Variants in HIVEP3 observed in about 807,000 individuals in gnomAD.
HIVEP3 encodes the protein transcription factor HIVEP3.
In HIVEP3, 49 loss-of-function variants were observed where a neutral mutation model predicts 152.8. The ratio of observed to expected loss-of-function variants is 0.32; its 90% confidence interval spans 0.26 to 0.41. HIVEP3 has a LOEUF of 0.41. HIVEP3 is among the 10% of genes least tolerant of loss of function. The pLI is 1.00. For missense variants in HIVEP3, 2,790 were observed against 3,103.3 expected (o/e 0.90, Z 2.40); for synonymous variants, 1,269 against 1,289.0 (o/e 0.98, Z 0.33).
chr1:41,628,298 C>G (rs1186414940), intron 3 of HIVEP3, among the ~76,000 whole-genome samples: 1 of 152,196 alleles, frequency 6.6e-6, no homozygotes, highest in East Asian at 1.9e-4. Context: ...TCCCGTGGTG[C>G]TCCTCTGACT....
In HIVEP3 at chr1:41,508,454, C is replaced by T. The variant is rs1644406321; in HGVS notation, c.*1997G>A. Reference sequence around the variant, plus strand: ...TGCTTCTCTTGGGGAGGATGAGAGCCCTAGTCTCTGAGGGAAGCAGCCAGG... The same window carrying T: ...TGCTTCTCTTGGGGAGGATGAGAGCTCTAGTCTCTGAGGGAAGCAGCCAGG... On this transcript the variant is annotated 3_prime_UTR_variant, in exon 9 of 9. Transcript: ENST00000372583. The T allele has an allele frequency of 6.6e-6, 1 of 152,170 alleles. No homozygotes were observed. The highest frequency in any genetic ancestry group is 1.5e-5 in the Non-Finnish European group (1 of 68,042). The allele number at this position is 152,170 out of a possible 1,614,324, so 9.4% of individuals were successfully genotyped here. A position where few individuals can be genotyped will look rare whatever the true frequency, so the allele number is the denominator to read the frequency against.
intron 1 of HIVEP3, among the ~76,000 whole-genome samples, chr1:41,859,911 C>T (rs891012852): frequency 6.6e-6 from 1 of 152,174 alleles, no homozygotes; most frequent in East Asian, 1.9e-4. Flanking sequence ...AACTCCCTAC[C>T]GCTGGGAAGG....
chr1:41,761,306 G>A (rs376135695), intron 1 of HIVEP3, among the ~76,000 whole-genome samples: 5 of 152,170 alleles, frequency 3.3e-5, no homozygotes, highest in African/African-American at 1.2e-4. Context: ...GAGTGTGTGA[G>A]TGTATGGTTG....
intron 3 of HIVEP3, among the ~76,000 whole-genome samples, chr1:41,594,604 G>A (rs1418861475): frequency 1.3e-5 from 2 of 152,136 alleles, no homozygotes; most frequent in Non-Finnish European, 2.9e-5. Flanking sequence ...TATTTCATTT[G>A]GGAGACTATT....
chr1:41,580,994 C>A lies in HIVEP3; in HGVS notation c.3804G>T (p.Leu1268=). 1.9e-6 allele frequency: 3 copies of A among 1,572,842 alleles called. No homozygotes were observed. Among genetic ancestry groups the A allele is most frequent in the Non-Finnish European group, 1.7e-6 (2 of 1,158,128 alleles). The change falls in exon 4 of 9, where the codon CTG becomes CTT. Residue 1268 remains leucine (L), a synonymous_variant. Coordinates refer to ENST00000372583, the MANE Select transcript of HIVEP3 (RefSeq NM_024503.5). ...GGGAGAGGCCAGCACTTCCTGTTGC[C>A]AGTGGGGCCAGGCTGGTTTTGATCT... ...LPQIKTSLAP[L]ATGSAGLSPS... is the part of the protein sequence containing the mutation.
intron 1 of HIVEP3, chr1:41,848,534 T>C (rs1011781284): frequency 3.3e-5 from 5 of 151,946 alleles, no homozygotes; most frequent in African/African-American, 7.3e-5. Flanking sequence ...ATAAGGAGGA[T>C]GGAATCGGCA....
chr1:41,855,544 C>T (rs978644168), intron 1 of HIVEP3, among the ~76,000 whole-genome samples: 2 of 152,174 alleles, frequency 1.3e-5, no homozygotes, highest in Admixed American at 6.5e-5. Context: ...GGGTGAAGGA[C>T]ATGAACAGAC....
intron 1 of HIVEP3, among the ~76,000 whole-genome samples, chr1:42,002,026 C>A (rs1336152628): frequency 6.6e-6 from 1 of 152,160 alleles, no homozygotes; most frequent in East Asian, 1.9e-4. Context: ...TCCCCCTTTC[C>A]ACAAGCTTTT....
intron 5 of HIVEP3, among the ~76,000 whole-genome samples, chr1:41,527,025 AC>A (rs1181429876): frequency 1.0e-3 from 14 of 13,734 alleles, no homozygotes; most frequent in East Asian, 1.9e-3. Flanking sequence ...CCCCACACTC[AC>A]CCCCCACCCT....
chr1:41,638,235 A>G (rs879935189), intron 2 of HIVEP3, among the ~76,000 whole-genome samples: 6 of 143,638 alleles, frequency 4.2e-5, no homozygotes, highest in Non-Finnish European at 7.6e-5. Flanking sequence ...AAAGAGAGAG[A>G]CAGAGAAATA....
chr1:41,903,675 T>G (rs1027807284), intron 1 of HIVEP3, among the ~76,000 whole-genome samples: 6 of 152,072 alleles, frequency 3.9e-5, no homozygotes, highest in Non-Finnish European at 7.4e-5. Context: ...GAACCAAGAG[T>G]TGATGGGCAG....
chr1:41,556,966 C>G (rs1422124603), intron 5 of HIVEP3, among the ~76,000 whole-genome samples: 1 of 152,204 alleles, frequency 6.6e-6, no homozygotes, highest in Non-Finnish European at 1.5e-5. Context: ...TTTCTGGGCT[C>G]TCTGTTGTAT....
chr1:41,989,238 T>A (rs557528850), intron 1 of HIVEP3, among the ~76,000 whole-genome samples: 1 of 152,214 alleles, frequency 6.6e-6, no homozygotes, highest in Admixed American at 6.5e-5. Flanking sequence ...AAACAAATGA[T>A]AATTATATGT....
chr1:41,646,834 G>C (rs1240969174), intron 2 of HIVEP3, among the ~76,000 whole-genome samples: 1 of 152,214 alleles, frequency 6.6e-6, no homozygotes, highest in Non-Finnish European at 1.5e-5. Flanking sequence ...TGAGAGGTCT[G>C]GAGGTCACAC....
Position 41,581,113 on chromosome 1 carries a change from G to A in HIVEP3, c.3685C>T (p.Pro1229Ser). Residue 1229 changes from proline to serine, a missense_variant, in exon 4 of 9, where the codon CCG (proline) becomes TCG (serine). By Grantham distance (74) the Pro-to-Ser change is moderately conservative (BLOSUM62 -1). Coordinates refer to ENST00000372583, the MANE Select transcript of HIVEP3 (RefSeq NM_024503.5). The surrounding 1 kb of genome is among the most constrained non-coding windows in gnomAD (Gnocchi z 4.5). ...CCAGAAGACAGTGCTGAGGAGGTCG[G>A]GTATGGCATGGGGAGGAAGGAAGGG... ...QPPSFLPMPY[P>S]TSSALSSGFF... 1 of 1,556,446 alleles carries A rather than the reference G, an allele frequency of 6.4e-7. No individual in the cohort carries two copies. The highest frequency in any genetic ancestry group is 8.7e-7 in the Non-Finnish European group (1 of 1,150,714).
intron 3 of HIVEP3, among the ~76,000 whole-genome samples, chr1:41,627,995 T>C (rs1002338377): frequency 6.6e-6 from 1 of 152,128 alleles, no homozygotes; most frequent in Non-Finnish European, 1.5e-5. Flanking sequence ...CAAGGACTTG[T>C]TCTTGACCCA....
At chr1:41,842,449 A>G (rs1378109160) in intron 1 of HIVEP3, among the ~76,000 whole-genome samples, 1 of 152,078 alleles carries the variant, frequency 6.6e-6, no homozygotes, top group Non-Finnish European at 1.5e-5. Flanking sequence ...CTGATTTATC[A>G]CTGCAGTAGG....
Position 41,575,658 on chromosome 1 carries a change from C to A in HIVEP3, c.5093G>T (p.Gly1698Val). Residue 1698 changes from glycine (G) to valine (V), a missense_variant, in exon 5 of 9, where the codon GGC becomes GTC. By Grantham distance (109) the Gly-to-Val change is moderately radical (BLOSUM62 -3). Around this residue, in one of 9 missense-constraint regions of HIVEP3, gnomAD observed 1,078 missense variants for 1,165.3 expected, o/e 0.93. Coordinates refer to ENST00000372583, the MANE Select transcript of HIVEP3 (RefSeq NM_024503.5). The stretch of plus-strand genomic sequence containing the variant: ...CTCCACTCTAGCTAGATCTTTCTGG[C>A]CTTCCGGGGAAACCAGTGAAGGGAG... ...VHLPSLVSPE[G>V]QKDLARVEKE... 6.2e-7 allele frequency: 1 copy of A among 1,614,114 alleles called. No individual in the cohort carries two copies. Among genetic ancestry groups the A allele is most frequent in the Non-Finnish European group, 8.5e-7 (1 of 1,180,002 alleles).
intron 1 of HIVEP3, among the ~76,000 whole-genome samples, chr1:41,949,770 T>C (rs2124490632): frequency 6.6e-6 from 1 of 152,290 alleles, no homozygotes; most frequent in East Asian, 1.9e-4. Flanking sequence ...CTACAAATCA[T>C]TCTTCAAATG....
Sources: allele counts gnomAD v4.1 joint callset (sites outside exome capture counted in the v4.1 genomes callset), GRCh38; gene constraint gnomAD v4.1.1; regional missense constraint gnomAD v4.1.1; non-coding constraint Gnocchi (gnomAD v3.1); transcripts MANE v1.5; gene names NCBI Gene and HGNC (gene_info 2026-07-23, HGNC 2026-07-21).